The following YKT6 variants were observed in gnomAD, a reference collection of about 807,000 sequenced individuals.
The protein encoded by YKT6 is synaptobrevin homolog YKT6.
In YKT6, 12 loss-of-function variants were observed where a neutral mutation model predicts 29.3. The observed-to-expected ratio is 0.41, with a 90% CI of 0.26 to 0.66. The LOEUF is 0.66. Ranked by LOEUF, YKT6 falls within the 30% of genes least tolerant of loss-of-function variation. YKT6 has a pLI of 0.32. For synonymous variants in YKT6, 86 were observed against 94.3 expected (o/e 0.91, Z 0.51); for missense variants, 188 against 243.8 (o/e 0.77, Z 1.52).
intron 5 of YKT6, among the ~76,000 whole-genome samples, chr7:44,209,304 T>A (rs1192395346): frequency 1.3e-5 from 2 of 152,198 alleles, no homozygotes; most frequent in Non-Finnish European, 2.9e-5. Flanking sequence ...CCCAGGGGCT[T>A]CAAACACAGG....
chr7:44,207,253 C>T, intron 3 of YKT6, 135 bp from the exon 4 acceptor site: 2 of 597,696 alleles, frequency 3.3e-6, no homozygotes, highest in Non-Finnish European at 5.8e-6. Flanking sequence ...TTATATGTCC[C>T]CCTCATTCCT....
At chr7:44,203,320 C>T (rs2096337736) in intron 1 of YKT6, among the ~76,000 whole-genome samples, 1 of 152,174 alleles carries the variant, frequency 6.6e-6, no homozygotes, top group Non-Finnish European at 1.5e-5. Context: ...TCTCGAACTC[C>T]TGAGCTCAAG....
At position 44,212,381 on chromosome 7, in the gene YKT6, G is replaced by C; in HGVS notation, c.*99G>C. On this transcript the variant is annotated 3_prime_UTR_variant, in exon 7 of 7. Coordinates refer to ENST00000223369, the MANE Select transcript of YKT6 (RefSeq NM_006555.4). ...AGACAGCCATAGACGAGGAGCCAGA[G>C]TGGGGGCAGACTGGCCATTTTTATT... 6.7e-7 allele frequency: 1 copy of C among 1,491,724 alleles called. No homozygotes were observed. Among genetic ancestry groups the C allele is most frequent in the Non-Finnish European group, 9.2e-7 (1 of 1,084,430 alleles). 92.4% of individuals were successfully genotyped at this position (1,491,724 alleles called of 1,614,324 possible). A position where few individuals can be genotyped will look rare whatever the true frequency, so the allele number is the denominator to read the frequency against.
intron 5 of YKT6, 43 bp downstream of exon 5, chr7:44,208,241 G>C: frequency 6.2e-7 from 1 of 1,606,306 alleles, no homozygotes; most frequent in East Asian, 2.2e-5. Context: ...CTGAGGCGGG[G>C]GTGCGATTTC....
At chr7:44,208,245 C>T (rs376146428) in intron 5 of YKT6, 47 bp downstream of exon 5, 27 of 1,592,866 alleles carry the variant, frequency 1.7e-5, no homozygotes, top group East Asian at 1.6e-4. Flanking sequence ...GGCGGGGGTG[C>T]GATTTCCACT....
At chr7:44,205,525 C>G (rs1320659525) in intron 2 of YKT6, among the ~76,000 whole-genome samples, 1 of 152,188 alleles carries the variant, frequency 6.6e-6, no homozygotes, top group Non-Finnish European at 1.5e-5. Flanking sequence ...CTGCTCTTTT[C>G]TGATTTCAGG....
intron 5 of YKT6, among the ~76,000 whole-genome samples, chr7:44,209,938 G>GC (rs2096344795): frequency 6.6e-6 from 1 of 152,246 alleles, no homozygotes; most frequent in Non-Finnish European, 1.5e-5. Flanking sequence ...TTTGGGGCAT[G>GC]TGTGTAACTT....
At chr7:44,210,408 C>T (rs188878302) in intron 5 of YKT6, among the ~76,000 whole-genome samples, 476 of 152,320 alleles carry the variant, frequency 3.1e-3, no homozygotes, top group Non-Finnish European at 5.1e-3. Flanking sequence ...TCTGCCGTCA[C>T]GTGACCTTCT....
chr7:44,204,776 C>T, intron 2 of YKT6, 126 bp downstream of exon 2: 1 of 804,324 alleles, frequency 1.2e-6, no homozygotes, highest in Non-Finnish European at 2.0e-6. Context: ...CTCTTTCCCA[C>T]CTCTTCCTTT....
rs2096335019 is a variant in YKT6, at chr7:44,201,145, T to C, written c.10T>C (p.Tyr4His). 1.9e-6 allele frequency: 3 copies of C among 1,604,002 alleles called. No individual in the cohort carries two copies. In the African/African-American group the frequency reaches 4.1e-5, roughly 22 times the overall value. Reference protein sequence around the residue: MKLYSLSVLYKGEA... With the variant: MKLHSLSVLYKGEA... Reference sequence around the variant, plus strand: ...CTGAGGGCGCGGAGCCATGAAGCTGTACAGCCTCAGCGTCCTCTACAAAGG... The same window carrying C: ...CTGAGGGCGCGGAGCCATGAAGCTGCACAGCCTCAGCGTCCTCTACAAAGG... The change falls in exon 1 of 7, where the codon TAC becomes CAC. Residue 4 changes from tyrosine to histidine, a missense_variant. Tyr to His is a moderately conservative substitution (Grantham distance 83). Transcript: ENST00000223369.
At chr7:44,211,515 C>T in intron 6 of YKT6, 1 of 1,014,042 alleles carries the variant, frequency 9.9e-7, no homozygotes, top group Non-Finnish European at 1.2e-6. Context: ...ATTCAGCCTT[C>T]CTGAAGAGGT....
In YKT6 at chr7:44,209,016, T is replaced by G. The variant is rs946544614; in HGVS notation, c.459+818T>G. On this transcript the variant is annotated intron_variant, in intron 5 of 6. Transcript: ENST00000223369. Reference sequence around the variant, plus strand: ...AGCTCACACACAGGCGCCTGAAGGTTGGGCCTTTCTGACCAGATGTCACAG... The same window carrying G: ...AGCTCACACACAGGCGCCTGAAGGTGGGGCCTTTCTGACCAGATGTCACAG... 2.0e-5 allele frequency among the ~76,000 whole-genome samples: 3 copies of G among 152,210 alleles called. No homozygotes were observed. The South Asian group carries it at 6.2e-4, about 32-fold the overall frequency.
chr7:44,206,563 GT>G, intron 3 of YKT6, 78 bp downstream of exon 3: 1 of 1,249,848 alleles, frequency 8.0e-7, no homozygotes, highest in Non-Finnish European at 1.2e-6. Context: ...GTTGATGGCA[GT>G]CCCTGAGACA....
At chr7:44,202,946 C>T (rs986682708) in intron 1 of YKT6, among the ~76,000 whole-genome samples, 1 of 152,084 alleles carries the variant, frequency 6.6e-6, no homozygotes, top group African/African-American at 2.4e-5. Flanking sequence ...CCCATTAGTA[C>T]TTAAGATTCT....
chr7:44,205,461 T>C (rs2971667), intron 2 of YKT6, among the ~76,000 whole-genome samples: 32,601 of 152,122 alleles, frequency 0.21, 3,801 homozygotes, highest in African/African-American at 0.3. Flanking sequence ...CTGGAGAGCA[T>C]TGGTGACAAC....
chr7:44,211,186 G>T, intron 6 of YKT6, 62 bp downstream of exon 6: 1 of 1,427,846 alleles, frequency 7.0e-7, no homozygotes, highest in South Asian at 1.2e-5. Context: ...GCAGCTTGCT[G>T]CTTCTGGCAC....
chr7:44,209,413 C>G (rs1239783619), intron 5 of YKT6, among the ~76,000 whole-genome samples: 2 of 152,196 alleles, frequency 1.3e-5, no homozygotes. Flanking sequence ...AGCTTTCTTA[C>G]CACCTAGGTG....
In YKT6 at chr7:44,213,007, T is replaced by A. The variant is rs139575583; in HGVS notation, c.*725T>A. The A allele has an allele frequency of 6.6e-6, 1 of 152,196 alleles. No individual in the cohort carries two copies. The highest frequency in any genetic ancestry group is 1.9e-4 in the East Asian group (1 of 5,172). The allele number at this position is 152,196 out of a possible 1,614,324, so 9.4% of individuals were successfully genotyped here. On this transcript the variant is annotated 3_prime_UTR_variant, in exon 7 of 7. Coordinates refer to ENST00000223369, the MANE Select transcript of YKT6 (RefSeq NM_006555.4). ...GTGGGCGGGGAGTGTGTGGGTTGGGTTCGTACCAGCAAGTAGACTAGGAAC... is the reference window on the plus strand; with the variant it reads ...GTGGGCGGGGAGTGTGTGGGTTGGGATCGTACCAGCAAGTAGACTAGGAAC...
intron 3 of YKT6, 112 bp from the exon 4 acceptor site, chr7:44,207,276 G>A (rs901478787): frequency 5.1e-5 from 40 of 786,192 alleles, no homozygotes; most frequent in Non-Finnish European, 7.2e-5. Context: ...TTCCTGGGCT[G>A]TGAAGGCCAA....
Sources: gnomAD v4.1 joint callset for allele counts (sites outside exome capture counted in the v4.1 genomes callset) on GRCh38, gnomAD v4.1.1 for gene constraint, MANE v1.5 for transcripts, NCBI Gene and HGNC (gene_info 2026-07-23, HGNC 2026-07-21) for gene names.